The following METTL15 variants were observed in gnomAD, a reference collection of about 807,000 sequenced individuals.
METTL15 encodes the protein methyltransferase 15, mitochondrial 12S rRNA N4-cytidine, also known as 12S rRNA N(4)-cytidine methyltransferase METTL15.
METTL15 carries 34 observed loss-of-function variants against 38.3 expected under a neutral mutation model. The observed-to-expected ratio is 0.89, with a 90% CI of 0.68 to 1.18. The LOEUF is 1.18. Ranked by LOEUF, METTL15 falls within the 50% of genes most tolerant of loss-of-function variation. The pLI is 0.00. For synonymous variants in METTL15, 162 were observed against 170.9 expected, an observed-to-expected ratio of 0.95 and a Z score of 0.41; for missense variants, 438 against 498.4, an observed-to-expected ratio of 0.88 and a Z score of 1.15.
downstream of METTL15, among the ~76,000 whole-genome samples, chr11:28,527,878 TATG>T (rs1284404520): frequency 2.0e-5 from 3 of 152,228 alleles, no homozygotes; most frequent in Non-Finnish European, 4.4e-5. Context: ...CACTTTGTCT[TATG>T]ATAATTCCAG....
intron 3 of METTL15, chr11:28,122,227 T>C: frequency 8.4e-7 from 1 of 1,183,454 alleles, no homozygotes; most frequent in Non-Finnish European, 1.1e-6. Flanking sequence ...GGATTATATT[T>C]TTTATAAAAT....
At chr11:28,531,444 A>G (rs1357241702), downstream of METTL15, among the ~76,000 whole-genome samples, 3 of 152,082 alleles carry the variant, frequency 2.0e-5, no homozygotes, top group African/African-American at 2.4e-5. Flanking sequence ...CCACTGAGCC[A>G]TGTGAAAATC....
At chr11:28,515,852 C>A (rs1182181403) in intron 6 of METTL15, among the ~76,000 whole-genome samples, 2 of 152,156 alleles carry the variant, frequency 1.3e-5, no homozygotes, top group Admixed American at 1.3e-4. Context: ...CACATAGCCA[C>A]AATAGATGCA....
At chr11:28,162,068 A>T (rs1850485415) in intron 3 of METTL15, among the ~76,000 whole-genome samples, 1 of 152,120 alleles carries the variant, frequency 6.6e-6, no homozygotes, top group Non-Finnish European at 1.5e-5. Context: ...ATTTCTCTCA[A>T]ATCCTCTGTA....
intron 3 of METTL15, among the ~76,000 whole-genome samples, chr11:28,168,221 G>C (rs943567405): frequency 6.6e-6 from 1 of 151,564 alleles, no homozygotes; most frequent in Non-Finnish European, 1.5e-5. Context: ...GAAAAAATAA[G>C]ACAATGTCAC....
At chr11:28,523,354 C>T (rs1037213862) in intron 6 of METTL15, among the ~76,000 whole-genome samples, 6 of 152,158 alleles carry the variant, frequency 3.9e-5, no homozygotes, top group Non-Finnish European at 8.8e-5. Context: ...AAAATTCTCC[C>T]TTATACAATA....
rs12803184 is a variant in METTL15 at position 28,208,024 on chromosome 11, C to A, written c.271-3038C>A. Among the ~76,000 whole-genome samples, 736 of 152,036 alleles carry A rather than the reference C, an allele frequency of 4.8e-3. 5 individuals carry two copies. The highest frequency in any genetic ancestry group is 0.022 in the South Asian group (104 of 4,824). On this transcript the variant is annotated intron_variant, in intron 3 of 6. Coordinates refer to ENST00000407364, the MANE Select transcript of METTL15 (RefSeq NM_001113528.2). ...ATTTCTTCTTTATTAGTCTTGCTAG[C>A]AGTCTATCAATTTTGTTGATCGTTT...
In METTL15 at chr11:28,258,136, G is replaced by A. The variant is rs576992280; in HGVS notation, c.408-32070G>A. ...AACTGGTTTTTGCAGGCTTGAAGAG[G>A]TACTGCCTTGATGGTCATGGACAAG... is the stretch of plus-strand genomic sequence containing the variant. On this transcript the variant is annotated intron_variant, in intron 4 of 6. Coordinates refer to ENST00000407364, the MANE Select transcript of METTL15 (RefSeq NM_001113528.2). 4.6e-5 allele frequency among the ~76,000 whole-genome samples: 7 copies of A among 152,294 alleles called. No individual in the cohort carries two copies. In the South Asian group the frequency reaches 1.0e-3, roughly 23 times the overall value.
intron 5 of METTL15, among the ~76,000 whole-genome samples, chr11:28,374,494 G>A (rs1332253362): frequency 7.1e-6 from 1 of 141,058 alleles, no homozygotes; most frequent in Non-Finnish European, 1.6e-5. Context: ...AGGAATGCTT[G>A]TGATTTTTGT....
intron 2 of METTL15, among the ~76,000 whole-genome samples, chr11:28,111,772 A>G (rs1365215462): frequency 2.6e-5 from 4 of 152,232 alleles, no homozygotes; most frequent in African/African-American, 9.6e-5. Context: ...TAGTGTGGTT[A>G]TAATAGTAAG....
intron 5 of METTL15, among the ~76,000 whole-genome samples, chr11:28,380,186 G>A (rs947470023): frequency 4.9e-5 from 2 of 40,696 alleles, no homozygotes; most frequent in Non-Finnish European, 1.0e-4. Flanking sequence ...TTTTTTTTTT[G>A]AGATGGAGTC....
intron 6 of METTL15, among the ~76,000 whole-genome samples, chr11:28,446,316 G>A (rs1424855522): frequency 1.3e-5 from 2 of 152,078 alleles, no homozygotes; most frequent in African/African-American, 4.8e-5. Flanking sequence ...TATTTTTAAA[G>A]CCCTCCAGGG....
chr11:28,149,494 C>T (rs1850005394), intron 3 of METTL15, among the ~76,000 whole-genome samples: 1 of 152,030 alleles, frequency 6.6e-6, no homozygotes, highest in South Asian at 2.1e-4. Flanking sequence ...ATCAAGAGAC[C>T]TGGGTTCTTA....
intron 5 of METTL15, among the ~76,000 whole-genome samples, chr11:28,421,598 A>G (rs1412256392): frequency 6.6e-6 from 1 of 152,076 alleles, no homozygotes; most frequent in Non-Finnish European, 1.5e-5. Flanking sequence ...AACAGAATGG[A>G]GGACAAAATC....
chr11:28,279,536 T>C (rs1239393188), intron 4 of METTL15, among the ~76,000 whole-genome samples: 1 of 150,790 alleles, frequency 6.6e-6, no homozygotes, highest in Admixed American at 6.6e-5. Flanking sequence ...TGCTCTCTTA[T>C]TTGTTATACA....
chr11:28,122,838 C>T (rs1246804896), intron 3 of METTL15, among the ~76,000 whole-genome samples: 1 of 151,886 alleles, frequency 6.6e-6, no homozygotes, highest in African/African-American at 2.4e-5. Context: ...TATCCAGTGG[C>T]TTTAAATTAT....
chr11:28,286,030 TAAG>T (rs1461316790), intron 4 of METTL15, among the ~76,000 whole-genome samples: 3 of 152,006 alleles, frequency 2.0e-5, no homozygotes, highest in Non-Finnish European at 4.4e-5. Context: ...ACAGAATCAA[TAAG>T]AAGTAGATAA....
intron 5 of METTL15, among the ~76,000 whole-genome samples, chr11:28,397,338 C>T (rs1216487731): frequency 1.2e-4 from 19 of 152,082 alleles, no homozygotes; most frequent in Non-Finnish European, 2.8e-4. Context: ...TTGCAATCTA[C>T]TCATCTGACA....
intron 6 of METTL15, among the ~76,000 whole-genome samples, chr11:28,440,399 T>A (rs1851024240): frequency 6.6e-6 from 1 of 152,186 alleles, no homozygotes; most frequent in South Asian, 2.1e-4. Context: ...AAAAAAATCC[T>A]GAGTGGCATT....
Sources: allele counts gnomAD v4.1 joint callset (sites outside exome capture counted in the v4.1 genomes callset), GRCh38; gene constraint gnomAD v4.1.1; transcripts MANE v1.5; gene names NCBI Gene and HGNC (gene_info 2026-07-23, HGNC 2026-07-21).